The following RAP1A variants were observed in gnomAD, a reference collection of about 807,000 sequenced individuals.
The protein encoded by RAP1A is ras-related protein Rap-1A.
Under a neutral mutation model 26.4 loss-of-function variants are expected in RAP1A, and 6 were observed. The ratio of observed to expected loss-of-function variants is 0.23; its 90% confidence interval spans 0.12 to 0.45. The LOEUF is 0.45. RAP1A is among the 20% of genes least tolerant of loss of function. The pLI, the probability that RAP1A is intolerant of heterozygous loss-of-function variation, is 0.99. For synonymous variants in RAP1A, 73 were observed against 79.4 expected (o/e 0.92, Z 0.43); for missense variants, 121 against 217.2 (o/e 0.56, Z 2.78).
At chr1:111,701,494 G>A (rs1211971857) in intron 4 of RAP1A, among the ~76,000 whole-genome samples, 1 of 151,922 alleles carries the variant, frequency 6.6e-6, no homozygotes, top group Non-Finnish European at 1.5e-5. Context: ...CTTGATTTTT[G>A]TCTGTCTCCA....
intron 1 of RAP1A, among the ~76,000 whole-genome samples, chr1:111,669,669 C>A (rs1313445470): frequency 1.3e-5 from 2 of 152,108 alleles, no homozygotes; most frequent in South Asian, 2.1e-4. Context: ...TTAACTAATC[C>A]AAGAAGAGCA....
At chr1:111,684,887 A>G (rs1488728649) in intron 1 of RAP1A, among the ~76,000 whole-genome samples, 4 of 152,190 alleles carry the variant, frequency 2.6e-5, no homozygotes, top group Admixed American at 1.3e-4. Context: ...AAACTATACT[A>G]TAAGGCTGCA....
At chr1:111,674,289 C>CTTT (rs72052378) in intron 1 of RAP1A, among the ~76,000 whole-genome samples, 4 of 146,990 alleles carry the variant, frequency 2.7e-5, no homozygotes, top group African/African-American at 5.0e-5. Flanking sequence ...ATGGACATCA[C>CTTT]TTTTTTTTTT....
At position 111,684,710 on chromosome 1, in the gene RAP1A, A is replaced by G. The variant is rs140964421; in HGVS notation, c.-27-6624A>G. On this transcript the variant is annotated intron_variant, in intron 1 of 7. Coordinates refer to ENST00000369709, the MANE Select transcript of RAP1A (RefSeq NM_002884.4). ...ATCGTGAAAATGGTCATACTGCCCA[A>G]GGTAATTTATAGATTCAGTGCTCCC... 8.2e-3 allele frequency among the ~76,000 whole-genome samples: 1,155 copies of G among 140,096 alleles called. 17 individuals are homozygous for G. The highest frequency in any genetic ancestry group is 0.03 in the African/African-American group (1,113 of 36,892). 91.9% of individuals were successfully genotyped at this position (140,096 alleles called of 152,430 possible).
At chr1:111,574,539 C>G (rs1410821181) in intron 1 of RAP1A, among the ~76,000 whole-genome samples, 4 of 152,196 alleles carry the variant, frequency 2.6e-5, no homozygotes, top group African/African-American at 9.7e-5. Context: ...CTGTAAATTG[C>G]TTTGAGCAGT....
chr1:111,579,789 C>CATTTATTTATTT (rs71763753), intron 1 of RAP1A, among the ~76,000 whole-genome samples: 7 of 148,064 alleles, frequency 4.7e-5, no homozygotes, highest in South Asian at 4.4e-4. Flanking sequence ...TGAATATCTC[C>CATTTATTTATTT]ATTTATTTAT....
chr1:111,595,697 G>C (rs937950214), intron 1 of RAP1A, among the ~76,000 whole-genome samples: 2 of 152,222 alleles, frequency 1.3e-5, no homozygotes, highest in South Asian at 2.1e-4. Flanking sequence ...CAAAAGCAGA[G>C]AGAGTTGGCA....
intron 1 of RAP1A, among the ~76,000 whole-genome samples, chr1:111,647,934 C>T (rs748007925): frequency 1.3e-5 from 2 of 152,108 alleles, no homozygotes; most frequent in African/African-American, 2.4e-5. Context: ...AACTTCAAGG[C>T]GTTTAGTAAC....
chr1:111,668,656 T>C (rs1313823625), intron 1 of RAP1A, among the ~76,000 whole-genome samples: 1 of 152,202 alleles, frequency 6.6e-6, no homozygotes, highest in Non-Finnish European at 1.5e-5. Context: ...CATTTTACTA[T>C]ACTGCTTATA....
At chr1:111,575,761 T>A (rs1658135686) in intron 1 of RAP1A, among the ~76,000 whole-genome samples, 1 of 152,190 alleles carries the variant, frequency 6.6e-6, no homozygotes, top group Admixed American at 6.5e-5. Flanking sequence ...CTTGGAATTC[T>A]AGCCTCCAGA....
intron 5 of RAP1A, 63 bp downstream of exon 5, chr1:111,703,539 C>G: frequency 7.3e-7 from 1 of 1,368,604 alleles, no homozygotes; most frequent in Non-Finnish European, 9.7e-7. Context: ...AAAAAAGTGC[C>G]TGTTTTCTCT....
At chr1:111,637,922 G>T (rs555333208) in intron 1 of RAP1A, among the ~76,000 whole-genome samples, 1 of 151,990 alleles carries the variant, frequency 6.6e-6, no homozygotes, top group African/African-American at 2.4e-5. Context: ...CCAAAAAGTA[G>T]AATTACTTCA....
intron 1 of RAP1A, among the ~76,000 whole-genome samples, chr1:111,647,920 C>T (rs188464871): frequency 6.6e-6 from 1 of 152,044 alleles, no homozygotes; most frequent in Non-Finnish European, 1.5e-5. Flanking sequence ...TCCTTTGAAC[C>T]CTGAACTTCA....
At chr1:111,694,471 T>G (rs182819156) in intron 2 of RAP1A, among the ~76,000 whole-genome samples, 7 of 152,348 alleles carry the variant, frequency 4.6e-5, no homozygotes, top group Admixed American at 4.6e-4. Context: ...AGACCCTGTT[T>G]TAAAGTTACC....
intron 1 of RAP1A, among the ~76,000 whole-genome samples, chr1:111,624,455 A>G (rs1659329512): frequency 6.6e-6 from 1 of 152,234 alleles, no homozygotes; most frequent in Non-Finnish European, 1.5e-5. Flanking sequence ...TGCACTGCAT[A>G]ATTCACATTC....
chr1:111,615,785 C>T (rs1045673343), upstream of RAP1A, among the ~76,000 whole-genome samples: 3 of 148,550 alleles, frequency 2.0e-5, no homozygotes, highest in Non-Finnish European at 3.0e-5. Context: ...GAGCCAAGAC[C>T]GTGCCACTGC....
At chr1:111,661,374 C>T (rs1660632123) in intron 1 of RAP1A, among the ~76,000 whole-genome samples, 2 of 152,068 alleles carry the variant, frequency 1.3e-5, no homozygotes. Context: ...TATAGGGATC[C>T]AGGTGTAAGC....
intron 3 of RAP1A, among the ~76,000 whole-genome samples, chr1:111,695,769 T>A (rs1661806899): frequency 6.6e-6 from 1 of 152,234 alleles, no homozygotes; most frequent in Non-Finnish European, 1.5e-5. Flanking sequence ...TGAACATTTT[T>A]ATTTTTGTTT....
rs506070 is a variant in RAP1A at position 111,691,446 on chromosome 1, T to A, written c.57+29T>A. 0.13 allele frequency: 211,711 copies of A among 1,572,560 alleles called. 16,047 individuals carry two copies. Among genetic ancestry groups the A allele is most frequent in the Admixed American group, 0.25 (14,612 of 59,488 alleles). The stretch of plus-strand genomic sequence containing the variant: ...AGTTAGCCACCTAACTGTAACTGAT[T>A]AATATAATACAAGAAGAATTTTGAC... On this transcript the variant is annotated intron_variant, in intron 2 of 7. Transcript: ENST00000369709.
Sources: gnomAD v4.1 joint callset for allele counts (sites outside exome capture counted in the v4.1 genomes callset) on GRCh38, gnomAD v4.1.1 for gene constraint, MANE v1.5 for transcripts, NCBI Gene and HGNC (gene_info 2026-07-23, HGNC 2026-07-21) for gene names.